PCDHA8: variants seen among roughly 807,000 people sequenced by gnomAD.
PCDHA8 encodes protocadherin alpha 8, also known as protocadherin alpha-8.
Under a neutral mutation model 61.8 loss-of-function variants are expected in PCDHA8, and 53 were observed. The observed-to-expected ratio is 0.86, with a 90% CI of 0.69 to 1.08. PCDHA8 has a LOEUF of 1.08. Among genes scored for constraint, PCDHA8 ranks in the 50% least tolerant of loss-of-function variants. PCDHA8 has a pLI of 0.00. For synonymous variants in PCDHA8, 618 were observed against 556.6 expected (o/e 1.11, Z -1.55); for missense variants, 1,293 against 1,245.0 (o/e 1.04, Z -0.58).
chr5:140,927,157 G>A (rs868936673), intron 1 of PCDHA8: 2 of 1,614,144 alleles, frequency 1.2e-6, no homozygotes, highest in South Asian at 2.2e-5. Flanking sequence ...GCTGTGCAGG[G>A]CCAAAGCTGC....
At chr5:140,984,052 A>G (rs2097083396) in intron 3 of PCDHA8, among the ~76,000 whole-genome samples, 2 of 152,204 alleles carry the variant, frequency 1.3e-5, no homozygotes, top group African/African-American at 4.8e-5. Context: ...TCATTGACAA[A>G]TCTGTACCCT....
intron 3 of PCDHA8, among the ~76,000 whole-genome samples, chr5:140,986,013 A>C (rs544858025): frequency 6.6e-6 from 1 of 152,298 alleles, no homozygotes; most frequent in Admixed American, 6.5e-5. Flanking sequence ...TGCTGGGATT[A>C]CAGGCGTGAG....
At chr5:140,951,170 A>G (rs62384503) in intron 1 of PCDHA8, among the ~76,000 whole-genome samples, 5,911 of 151,952 alleles carry the variant, frequency 0.039, 176 homozygotes, top group Non-Finnish European at 0.057. Flanking sequence ...TAGCTACTTT[A>G]AAGTCATTGT....
At chr5:140,844,452 G>A (rs1403381555) in intron 1 of PCDHA8, among the ~76,000 whole-genome samples, 2 of 148,572 alleles carry the variant, frequency 1.3e-5, no homozygotes, top group South Asian at 2.1e-4. Context: ...TTGTATTGTC[G>A]CCAACTTAAC....
intron 1 of PCDHA8, among the ~76,000 whole-genome samples, chr5:140,973,210 C>T (rs112667484): frequency 0.028 from 4,273 of 152,266 alleles, 188 homozygotes; most frequent in African/African-American, 0.096. Flanking sequence ...CATATTCACC[C>T]TAATTCCAGG....
In PCDHA8 at chr5:140,906,570, T is replaced by C. The variant is rs371493282; in HGVS notation, c.2394+62855T>C. ...TGCAACTGGTTGTGTGGTTCATAGCTGGTATTGATGACTACCTTCCTCTAC... is the reference window on the plus strand; with the variant it reads ...TGCAACTGGTTGTGTGGTTCATAGCCGGTATTGATGACTACCTTCCTCTAC... On this transcript the variant is annotated intron_variant, in intron 1 of 3. Coordinates refer to ENST00000531613, the MANE Select transcript of PCDHA8 (RefSeq NM_018911.3). 1.7e-4 allele frequency among the ~76,000 whole-genome samples: 26 copies of C among 152,230 alleles called. No homozygotes were observed. In the East Asian group the frequency reaches 2.1e-3, roughly 12 times the overall value.
At chr5:140,983,621 A>G (rs1271083054) in intron 3 of PCDHA8, among the ~76,000 whole-genome samples, 5 of 152,250 alleles carry the variant, frequency 3.3e-5, no homozygotes, top group African/African-American at 1.2e-4. Flanking sequence ...CAGAGAGATT[A>G]AGAAATGTAC....
At position 140,843,387 on chromosome 5, in the gene PCDHA8, C is replaced by G. The variant is rs782229636; in HGVS notation, c.2066C>G (p.Pro689Arg). Residue 689 changes from proline to arginine, a missense_variant, in exon 1 of 4, where the codon CCG (proline) becomes CGG (arginine). Transcript: ENST00000531613. ...AGGCAGTCGGCTGGCGTTTTGGGTC[C>G]GGAAGCGGCGCTGGTGGATGTCAAC... ...SSRQSAGVLG[P>R]EAALVDVNVY... 7 of 1,595,950 alleles carry G rather than the reference C, an allele frequency of 4.4e-6. 1 individual carries two copies. The Admixed American group carries it at 1.2e-4, about 27-fold the overall frequency.
At chr5:140,945,024 A>G (rs1554216669) in intron 1 of PCDHA8, among the ~76,000 whole-genome samples, 1 of 152,122 alleles carries the variant, frequency 6.6e-6, no homozygotes, top group Non-Finnish European at 1.5e-5. Flanking sequence ...TTTTACTCAG[A>G]CATAATTATC....
At chr5:140,875,250 C>A in intron 1 of PCDHA8, 1 of 1,016,106 alleles carries the variant, frequency 9.8e-7, no homozygotes, top group Non-Finnish European at 1.4e-6. Context: ...CATAATCAGT[C>A]ACATGATGTC....
In PCDHA8 at chr5:140,850,134, A is replaced by C. The variant is rs2150469280; in HGVS notation, c.2394+6419A>C. 12 of 1,595,730 alleles carry C rather than the reference A, an allele frequency of 7.5e-6. 1 individual carries two copies. The highest frequency in any genetic ancestry group is 1.0e-5 in the Non-Finnish European group (12 of 1,167,876). On this transcript the variant is annotated intron_variant, in intron 1 of 3. Transcript: ENST00000531613. ...CGACGCGGGCGTGCCGCCTCTGGGC[A>C]GCAACGTGACGCTGCAGGTGTTCGT...
chr5:140,887,454 T>A (rs1234442880), intron 1 of PCDHA8, among the ~76,000 whole-genome samples: 5 of 152,178 alleles, frequency 3.3e-5, no homozygotes, highest in Non-Finnish European at 7.3e-5. Context: ...GACAGTTTTT[T>A]AAAAGATATA....
intron 1 of PCDHA8, among the ~76,000 whole-genome samples, chr5:140,974,396 G>A (rs1413050341): frequency 6.6e-6 from 1 of 152,178 alleles, no homozygotes; most frequent in Non-Finnish European, 1.5e-5. Context: ...CATTAGGTAT[G>A]TTCTAAAGTT....
chr5:140,955,813 G>A (rs1428196745), intron 1 of PCDHA8, among the ~76,000 whole-genome samples: 1 of 152,096 alleles, frequency 6.6e-6, no homozygotes, highest in Non-Finnish European at 1.5e-5. Context: ...TGTGTCCACT[G>A]TGATTTCCTT....
chr5:140,999,786 G>A (rs1050666056), intron 3 of PCDHA8, among the ~76,000 whole-genome samples: 4 of 152,120 alleles, frequency 2.6e-5, no homozygotes, highest in African/African-American at 9.7e-5. Flanking sequence ...CCTAGAAATG[G>A]CAGAGTTATT....
At chr5:140,962,350 C>A (rs78940637) in intron 1 of PCDHA8, among the ~76,000 whole-genome samples, 3,557 of 152,264 alleles carry the variant, frequency 0.023, 46 homozygotes, top group Middle Eastern at 0.034. Context: ...TAAAACTCCC[C>A]CCAATACTGG....
At chr5:140,893,666 C>T (rs2064116335) in intron 1 of PCDHA8, among the ~76,000 whole-genome samples, 1 of 152,160 alleles carries the variant, frequency 6.6e-6, no homozygotes, top group African/African-American at 2.4e-5. Flanking sequence ...TAAAAAATTT[C>T]AGCACTTTGG....
intron 1 of PCDHA8, chr5:140,967,032 A>T: frequency 6.2e-7 from 1 of 1,610,180 alleles, no homozygotes; most frequent in Non-Finnish European, 8.5e-7. Flanking sequence ...AGTCCGCGCT[A>T]CCTGGAGCTG....
At chr5:140,934,319 A>G (rs1292813425) in intron 1 of PCDHA8, among the ~76,000 whole-genome samples, 1 of 152,146 alleles carries the variant, frequency 6.6e-6, no homozygotes, top group Non-Finnish European at 1.5e-5. Context: ...CAAATGTCCA[A>G]TCATGAATGT....
Sources: gnomAD v4.1 joint callset for allele counts (sites outside exome capture counted in the v4.1 genomes callset) on GRCh38, gnomAD v4.1.1 for gene constraint, MANE v1.5 for transcripts, NCBI Gene and HGNC (gene_info 2026-07-23, HGNC 2026-07-21) for gene names.